PRKG1: variants seen among roughly 807,000 people sequenced by gnomAD.
PRKG1 encodes protein kinase cGMP-dependent 1, also known as cGMP-dependent protein kinase 1.
A neutral mutation model predicts 88.1 loss-of-function variants in PRKG1; 35 were observed. That is an observed-to-expected ratio of 0.40 (90% confidence interval 0.30 to 0.53). The LOEUF is 0.53. Ranked by LOEUF, PRKG1 falls within the 20% of genes least tolerant of loss-of-function variation. The pLI, the probability that PRKG1 is intolerant of heterozygous loss-of-function variation, is 0.59. For missense variants in PRKG1, 540 were observed against 839.8 expected, an observed-to-expected ratio of 0.64 and a Z score of 4.41; for synonymous variants, 303 against 292.5, an observed-to-expected ratio of 1.04 and a Z score of -0.37.
chr10:52,094,043 A>G (rs115318320), intron 7 of PRKG1, among the ~76,000 whole-genome samples: 10 of 152,288 alleles, frequency 6.6e-5, no homozygotes, highest in African/African-American at 2.4e-4. Flanking sequence ...GCACCTTGAG[A>G]TGTATATTAA....
chr10:52,160,003 T>C (rs908366671), intron 8 of PRKG1, among the ~76,000 whole-genome samples: 2 of 151,994 alleles, frequency 1.3e-5, no homozygotes, highest in African/African-American at 4.8e-5. Context: ...TTATGGAATA[T>C]ACATTCTGGT....
chr10:51,246,669 T>G (rs1386529410), intron 2 of PRKG1, among the ~76,000 whole-genome samples: 1 of 151,202 alleles, frequency 6.6e-6, no homozygotes, highest in Non-Finnish European at 1.5e-5. Flanking sequence ...TTCTGACAGA[T>G]GTTGGTACAG....
intron 3 of PRKG1, among the ~76,000 whole-genome samples, chr10:51,788,459 G>A (rs1281200388): frequency 6.6e-6 from 1 of 152,106 alleles, no homozygotes; most frequent in Non-Finnish European, 1.5e-5. Flanking sequence ...CAGCAGAGAA[G>A]GCTGTTAGAG....
At chr10:51,340,678 C>A (rs141213526) in intron 2 of PRKG1, among the ~76,000 whole-genome samples, 11 of 152,262 alleles carry the variant, frequency 7.2e-5, no homozygotes, top group Non-Finnish European at 1.5e-5. Flanking sequence ...TTCATGAAAG[C>A]TATCTAGCTT....
chr10:51,831,191 T>C (rs756196231), intron 4 of PRKG1, among the ~76,000 whole-genome samples: 2 of 152,176 alleles, frequency 1.3e-5, no homozygotes, highest in African/African-American at 2.4e-5. Flanking sequence ...TTTATTCTAC[T>C]GAAATCCAGA....
At chr10:51,080,983 T>C (rs1290656612) in intron 1 of PRKG1, among the ~76,000 whole-genome samples, 1 of 152,204 alleles carries the variant, frequency 6.6e-6, no homozygotes, top group Admixed American at 6.5e-5. Context: ...GCACAAAAAC[T>C]TCAGCTACAC....
Position 51,698,694 on chromosome 10 carries a change from T to C in PRKG1, c.593-105891T>C, listed in dbSNP as rs1162697264. The stretch of plus-strand genomic sequence containing the variant: ...CCTGGCATTCCAAGTTGGGGCTGCA[T>C]TGCTCCTCCAGGAGTTAAGGAACCA... On this transcript the variant is annotated intron_variant, in intron 3 of 17. Coordinates refer to ENST00000373980, the MANE Select transcript of PRKG1 (RefSeq NM_006258.4). 3.7e-6 allele frequency: 6 copies of C among 1,614,158 alleles called. No homozygotes were observed. The highest frequency in any genetic ancestry group is 3.4e-6 in the Non-Finnish European group (4 of 1,180,028).
At chr10:51,585,130 T>A (rs1838140472) in intron 3 of PRKG1, among the ~76,000 whole-genome samples, 1 of 149,396 alleles carries the variant, frequency 6.7e-6, no homozygotes, top group African/African-American at 2.6e-5. Flanking sequence ...ATAAACATAA[T>A]GAATTATAAA....
intron 1 of PRKG1, among the ~76,000 whole-genome samples, chr10:51,063,282 G>A (rs920374023): frequency 1.6e-4 from 25 of 152,132 alleles, no homozygotes; most frequent in Non-Finnish European, 2.1e-4. Context: ...GCTAAGAGAC[G>A]TGCCTTTAGG....
intron 5 of PRKG1, chr10:51,911,168 T>A (rs1316992241): frequency 1.3e-5 from 2 of 152,206 alleles, no homozygotes; most frequent in Non-Finnish European, 2.9e-5. Flanking sequence ...TGTGCTGACC[T>A]ATAACCTCTG....
At chr10:51,194,592 T>G (rs1228167665) in intron 2 of PRKG1, among the ~76,000 whole-genome samples, 1 of 152,188 alleles carries the variant, frequency 6.6e-6, no homozygotes, top group Non-Finnish European at 1.5e-5. Context: ...TTTGTCTCTA[T>G]CTAGGTTACA....
At chr10:51,164,168 C>T (rs1846458237) in intron 2 of PRKG1, among the ~76,000 whole-genome samples, 1 of 152,154 alleles carries the variant, frequency 6.6e-6, no homozygotes, top group Non-Finnish European at 1.5e-5. Context: ...AGACTGACAC[C>T]TCACATGGCT....
chr10:51,811,240 A>G (rs1042235177), intron 4 of PRKG1, among the ~76,000 whole-genome samples: 1 of 152,134 alleles, frequency 6.6e-6, no homozygotes, highest in Non-Finnish European at 1.5e-5. Flanking sequence ...CCTTTCCACA[A>G]AGGCAACTTA....
At chr10:51,418,291 G>A (rs533562907) in intron 2 of PRKG1, among the ~76,000 whole-genome samples, 3 of 152,272 alleles carry the variant, frequency 2.0e-5, no homozygotes, top group African/African-American at 7.2e-5. Flanking sequence ...AAACTAAAGA[G>A]GGAGCGTCAT....
chr10:51,917,127 G>T (rs1210668163), intron 5 of PRKG1, among the ~76,000 whole-genome samples: 3 of 152,150 alleles, frequency 2.0e-5, no homozygotes, highest in East Asian at 1.9e-4. Flanking sequence ...AGAGCAGCCT[G>T]CCCAACATGG....
intron 7 of PRKG1, among the ~76,000 whole-genome samples, chr10:52,084,950 ATTTAT>A (rs1478783961): frequency 6.6e-6 from 1 of 151,962 alleles, no homozygotes; most frequent in Non-Finnish European, 1.5e-5. Context: ...CAGAGAAGTT[ATTTAT>A]TTTACATTGT....
intron 1 of PRKG1, among the ~76,000 whole-genome samples, chr10:51,084,042 CT>C (rs1844183762): frequency 6.6e-6 from 1 of 152,142 alleles, no homozygotes; most frequent in South Asian, 2.1e-4. Flanking sequence ...GCTTTTCTGT[CT>C]TTTCCCCACT....
chr10:52,029,493 C>T (rs1226170772), intron 5 of PRKG1, among the ~76,000 whole-genome samples: 1 of 152,096 alleles, frequency 6.6e-6, no homozygotes, highest in Admixed American at 6.5e-5. Flanking sequence ...TAGAGATGTC[C>T]CTTTAAGAGG....
At chr10:51,799,155 T>G (rs959293463) in intron 3 of PRKG1, among the ~76,000 whole-genome samples, 8 of 152,022 alleles carry the variant, frequency 5.3e-5, no homozygotes, top group Non-Finnish European at 7.4e-5. Flanking sequence ...ACATCGGTCT[T>G]TCTTCCCTGA....
Sources: allele counts gnomAD v4.1 joint callset (sites outside exome capture counted in the v4.1 genomes callset), GRCh38; gene constraint gnomAD v4.1.1; transcripts MANE v1.5; gene names NCBI Gene and HGNC (gene_info 2026-07-23, HGNC 2026-07-21).